The following KIAA1328 variants were observed in gnomAD, a reference collection of about 807,000 sequenced individuals.
KIAA1328 encodes KIAA1328.
Under a neutral mutation model 68.1 loss-of-function variants are expected in KIAA1328, and 52 were observed. The observed-to-expected ratio is 0.76, with a 90% CI of 0.61 to 0.96. The LOEUF (loss-of-function observed/expected upper bound fraction) is 0.96, where lower values mean the gene tolerates loss of function less well. Among genes scored for constraint, KIAA1328 ranks in the 40% least tolerant of loss-of-function variants. The pLI is 0.00. For synonymous variants in KIAA1328, 232 were observed against 239.4 expected, an observed-to-expected ratio of 0.97 and a Z score of 0.28; for missense variants, 641 against 677.6, an observed-to-expected ratio of 0.95 and a Z score of 0.60.
chr18:37,168,460 C>T (rs1263484016), intron 8 of KIAA1328, among the ~76,000 whole-genome samples: 1 of 152,084 alleles, frequency 6.6e-6, no homozygotes, highest in Non-Finnish European at 1.5e-5. Flanking sequence ...AGAAATACTC[C>T]GAATGTCCCT....
chr18:36,959,427 G>T lies in KIAA1328; in HGVS notation c.568G>T (p.Glu190Ter). 1 of 1,608,712 alleles carries T rather than the reference G, an allele frequency of 6.2e-7. No homozygotes were observed. Among genetic ancestry groups the T allele is most frequent in the Non-Finnish European group, 8.5e-7 (1 of 1,178,252 alleles). Residue 190 changes from glutamate to a stop codon, truncating the protein, a stop_gained, in exon 6 of 10, where the codon GAA becomes TAA. Coordinates refer to ENST00000280020, the MANE Select transcript of KIAA1328 (RefSeq NM_020776.3). LOFTEE classifies it high-confidence loss of function. ...AGAACTTGGTGCTGCTAGAATGCAG[G>T]AACAGCAGGTAAGCATCTTTAATTT... The part of the protein sequence containing the change: ...LSELGAARMQ[E>*]QQVSSRKSTL...
At chr18:37,060,682 A>G (rs904210768) in intron 6 of KIAA1328, among the ~76,000 whole-genome samples, 10 of 152,260 alleles carry the variant, frequency 6.6e-5, no homozygotes, top group Non-Finnish European at 1.5e-4. Flanking sequence ...ATTACTTTTA[A>G]TGGCAAAAAC....
chr18:37,216,357 G>C (rs192181733), intron 9 of KIAA1328, among the ~76,000 whole-genome samples: 2 of 152,062 alleles, frequency 1.3e-5, no homozygotes, highest in South Asian at 2.1e-4. Flanking sequence ...CTTTGTTCTC[G>C]TTGGTTTCAA....
intron 6 of KIAA1328, among the ~76,000 whole-genome samples, chr18:37,052,834 G>A (rs1210114411): frequency 1.3e-5 from 2 of 152,246 alleles, no homozygotes; most frequent in South Asian, 4.1e-4. Flanking sequence ...ATGCTGAAAT[G>A]TAACAGAGAT....
chr18:37,208,068 C>T (rs912119852), intron 9 of KIAA1328, among the ~76,000 whole-genome samples: 28 of 152,124 alleles, frequency 1.8e-4, no homozygotes, highest in Admixed American at 7.2e-4. Flanking sequence ...CTCAGCCTCC[C>T]AAAGTGCTAG....
chr18:36,858,352 A>AT (rs1344333916), intron 4 of KIAA1328, among the ~76,000 whole-genome samples: 1 of 152,066 alleles, frequency 6.6e-6, no homozygotes, highest in African/African-American at 2.4e-5. Flanking sequence ...GGTATACTTT[A>AT]TTTTTTTCTT....
At chr18:36,915,425 T>A (rs747853372) in intron 5 of KIAA1328, among the ~76,000 whole-genome samples, 1 of 152,188 alleles carries the variant, frequency 6.6e-6, no homozygotes, top group South Asian at 2.1e-4. Context: ...AAAAAGAATT[T>A]TGCAAATTAA....
intron 5 of KIAA1328, among the ~76,000 whole-genome samples, chr18:36,913,479 T>C (rs1598690961): frequency 1.1e-5 from 1 of 91,426 alleles, no homozygotes; most frequent in Non-Finnish European, 2.2e-5. Context: ...ATTACAACCT[T>C]ACACACACAC....
At position 37,224,504 on chromosome 18, in the gene KIAA1328, T is replaced by C; in HGVS notation, c.*2277T>C. On this transcript the variant is annotated 3_prime_UTR_variant, in exon 10 of 10. Coordinates refer to ENST00000280020, the MANE Select transcript of KIAA1328 (RefSeq NM_020776.3). ...TTAATGGACATTTTGTTGGTGTTGG[T>C]GCAAGGGCAATAGGATGTAAATTTG... 1.0e-6 allele frequency: 1 copy of C among 985,314 alleles called. No homozygotes were observed. Among genetic ancestry groups the C allele is most frequent in the Non-Finnish European group, 1.2e-6 (1 of 829,814 alleles). The allele number at this position is 985,314 out of a possible 1,614,324, so 61.0% of individuals were successfully genotyped here. A position where few individuals can be genotyped will look rare whatever the true frequency, so the allele number is the denominator to read the frequency against.
chr18:36,893,465 T>TTGTGTGTG lies in KIAA1328; in HGVS notation c.448+7821_448+7828dup, dbSNP rs141803952. Reference sequence around the variant, plus strand: ...TGTGTGTGTGTGTGTGTGTGTGTTTTTGTGTGTGTGTGTGTGTGTGTGTGT... The same window carrying TTGTGTGTG: ...TGTGTGTGTGTGTGTGTGTGTGTTTTTGTGTGTGTGTGTGTGTGTGTGTGTGTGTGTGT... On this transcript the variant is annotated intron_variant, in intron 5 of 9. Transcript: ENST00000280020. 4.5e-3 allele frequency among the ~76,000 whole-genome samples: 546 copies of TTGTGTGTG among 120,612 alleles called. 2 individuals are homozygous for TTGTGTGTG. The highest frequency in any genetic ancestry group is 0.011 in the East Asian group (43 of 3,938). 79.1% of individuals were successfully genotyped at this position (120,612 alleles called of 152,430 possible).
intron 8 of KIAA1328, among the ~76,000 whole-genome samples, chr18:37,169,205 G>A (rs1390168704): frequency 2.0e-5 from 3 of 148,252 alleles, no homozygotes; most frequent in Non-Finnish European, 4.4e-5. Flanking sequence ...TGGCACTGTC[G>A]CCCGGGCTGG....
At chr18:37,060,557 C>T (rs775153022) in intron 6 of KIAA1328, among the ~76,000 whole-genome samples, 2 of 152,072 alleles carry the variant, frequency 1.3e-5, no homozygotes, top group Non-Finnish European at 2.9e-5. Context: ...GATATGAAAT[C>T]AAATAAACAC....
At position 36,874,029 on chromosome 18, in the gene KIAA1328, A is replaced by G. The variant is rs2048037621; in HGVS notation, c.333-11528A>G. The stretch of plus-strand genomic sequence containing the variant: ...AAAGGGCATGAACTCATTCTTTTTC[A>G]TGGCTGCATAGTATTCCATTGTGTA... On this transcript the variant is annotated intron_variant, in intron 4 of 9. Coordinates refer to ENST00000280020, the MANE Select transcript of KIAA1328 (RefSeq NM_020776.3). Among the ~76,000 whole-genome samples the G allele has an allele frequency of 3.9e-5, 6 of 152,232 alleles. No homozygotes were observed. The South Asian group carries it at 1.2e-3, about 32-fold the overall frequency.
intron 8 of KIAA1328, among the ~76,000 whole-genome samples, chr18:37,166,037 ATTT>A (rs1157622407): frequency 2.2e-5 from 3 of 136,100 alleles, no homozygotes; most frequent in Non-Finnish European, 3.2e-5. Context: ...TGGGGTGGTA[ATTT>A]TTTTTTTTTT....
chr18:37,091,593 T>G (rs2057269811), intron 7 of KIAA1328, among the ~76,000 whole-genome samples: 1 of 152,090 alleles, frequency 6.6e-6, no homozygotes, highest in South Asian at 2.1e-4. Flanking sequence ...ATGTACCCAC[T>G]GAGACTCAAG....
intron 4 of KIAA1328, among the ~76,000 whole-genome samples, chr18:36,869,479 A>T (rs931421770): frequency 1.3e-5 from 2 of 151,986 alleles, no homozygotes; most frequent in African/African-American, 2.4e-5. Context: ...GTACATGTGG[A>T]TAATTTCCTG....
intron 7 of KIAA1328, among the ~76,000 whole-genome samples, chr18:37,148,634 G>A (rs1044314743): frequency 6.6e-6 from 1 of 152,158 alleles, no homozygotes; most frequent in Non-Finnish European, 1.5e-5. Context: ...AGCATCTGCT[G>A]TTTCTTGACT....
At chr18:36,913,479 T>TACAC (rs10582262) in intron 5 of KIAA1328, among the ~76,000 whole-genome samples, 2,419 of 91,390 alleles carry the variant, frequency 0.026, 90 homozygotes, top group African/African-American at 0.083. Flanking sequence ...ATTACAACCT[T>TACAC]ACACACACAC....
At chr18:36,900,759 C>T (rs1288575484) in intron 5 of KIAA1328, among the ~76,000 whole-genome samples, 1 of 151,936 alleles carries the variant, frequency 6.6e-6, no homozygotes, top group Non-Finnish European at 1.5e-5. Context: ...ATTTCACATC[C>T]ACTTATTTGA....
Sources: gnomAD v4.1 joint callset for allele counts (sites outside exome capture counted in the v4.1 genomes callset) on GRCh38, gnomAD v4.1.1 for gene constraint, MANE v1.5 for transcripts, NCBI Gene and HGNC (gene_info 2026-07-23, HGNC 2026-07-21) for gene names.